The following SDK1 variants were observed in gnomAD, a reference collection of about 807,000 sequenced individuals.
The protein encoded by SDK1 is sidekick cell adhesion molecule 1, also known as protein sidekick-1.
Under a neutral mutation model 245.5 loss-of-function variants are expected in SDK1, and 157 were observed. The ratio of observed to expected loss-of-function variants is 0.64; its 90% confidence interval spans 0.56 to 0.73. The LOEUF (loss-of-function observed/expected upper bound fraction) is 0.73. SDK1 is among the 30% of genes least tolerant of loss of function. The pLI is 0.00. For missense variants in SDK1, 3,583 were observed against 3,002.3 expected (o/e 1.19, Z -4.52); for synonymous variants, 1,647 against 1,278.5 (o/e 1.29, Z -6.15).
chr7:3,972,027 G>A (rs2128133256), intron 12 of SDK1, among the ~76,000 whole-genome samples: 1 of 151,882 alleles, frequency 6.6e-6, no homozygotes, highest in African/African-American at 2.4e-5. Context: ...ACAGCCCCCA[G>A]TGCACTAATA....
At chr7:4,114,465 C>A (rs1783566929) in intron 25 of SDK1, among the ~76,000 whole-genome samples, 191 bp downstream of exon 25, 1 of 152,130 alleles carries the variant, frequency 6.6e-6, no homozygotes, top group Admixed American at 6.5e-5. Context: ...GGGCCCCAAG[C>A]CATTCATTGG....
intron 40 of SDK1, among the ~76,000 whole-genome samples, chr7:4,232,105 G>A (rs561080885): frequency 1.5e-4 from 21 of 138,104 alleles, no homozygotes; most frequent in African/African-American, 4.9e-4. Context: ...ACAAACACAC[G>A]TACAGCACTT....
intron 28 of SDK1, among the ~76,000 whole-genome samples, chr7:4,137,007 G>A (rs1779139616): frequency 6.6e-6 from 1 of 152,250 alleles, no homozygotes. Context: ...CAGCTGCAGA[G>A]AGATCGGCAG....
At chr7:4,034,037 C>G (rs1788035608) in intron 17 of SDK1, among the ~76,000 whole-genome samples, 1 of 152,162 alleles carries the variant, frequency 6.6e-6, no homozygotes, top group Non-Finnish European at 1.5e-5. Flanking sequence ...TAATGGGGCA[C>G]CTCAGAACTG....
intron 14 of SDK1, among the ~76,000 whole-genome samples, chr7:3,993,908 C>T (rs747398357): frequency 2.6e-5 from 4 of 152,326 alleles, no homozygotes; most frequent in Middle Eastern, 6.8e-3. Flanking sequence ...AGTCCACATC[C>T]CCTCAGCTTC....
intron 5 of SDK1, among the ~76,000 whole-genome samples, chr7:3,925,357 GA>G (rs1165282284): frequency 6.6e-6 from 1 of 152,202 alleles, no homozygotes; most frequent in Non-Finnish European, 1.5e-5. Context: ...AGTTTGCTTA[GA>G]AAAAGCACAT....
chr7:3,440,620 G>C (rs950405071), intron 1 of SDK1, among the ~76,000 whole-genome samples: 1 of 152,246 alleles, frequency 6.6e-6, no homozygotes, highest in African/African-American at 2.4e-5. Context: ...TTGGCAATTA[G>C]GATGTGCCAG....
At chr7:3,451,853 A>C (rs1454059812) in intron 1 of SDK1, among the ~76,000 whole-genome samples, 1 of 152,310 alleles carries the variant, frequency 6.6e-6, no homozygotes, top group African/African-American at 2.4e-5. Context: ...TAAGTGAAAG[A>C]CTTAGAGAAG....
chr7:3,857,955 T>C (rs986542369), intron 5 of SDK1, among the ~76,000 whole-genome samples: 3 of 152,060 alleles, frequency 2.0e-5, no homozygotes, highest in Non-Finnish European at 4.4e-5. Context: ...GAACAAATAG[T>C]GTGATATACC....
intron 5 of SDK1, among the ~76,000 whole-genome samples, chr7:3,880,507 C>A (rs1781181284): frequency 6.7e-6 from 1 of 148,900 alleles, no homozygotes; most frequent in Non-Finnish European, 1.5e-5. Flanking sequence ...CAGCGATGCG[C>A]AGATGCGTGG....
intron 14 of SDK1, among the ~76,000 whole-genome samples, chr7:4,004,769 ATAG>A (rs1367887981): frequency 2.0e-5 from 3 of 152,342 alleles, no homozygotes; most frequent in South Asian, 2.1e-4. Context: ...AACAAAATTA[ATAG>A]TAGTCATTAA....
At chr7:3,907,109 TTC>T (rs748998695) in intron 5 of SDK1, among the ~76,000 whole-genome samples, 22 of 138,264 alleles carry the variant, frequency 1.6e-4, no homozygotes, top group East Asian at 3.9e-4. Context: ...TTTAAATATA[TTC>T]TCTCTTTTTT....
chr7:4,073,739 G>A (rs1229950141), intron 20 of SDK1, among the ~76,000 whole-genome samples: 1 of 152,178 alleles, frequency 6.6e-6, no homozygotes. Flanking sequence ...TGGAGGAGGA[G>A]GCGCTTTGAG....
At chr7:3,955,879 G>C (rs1199273409) in intron 7 of SDK1, among the ~76,000 whole-genome samples, 1 of 152,156 alleles carries the variant, frequency 6.6e-6, no homozygotes, top group African/African-American at 2.4e-5. Flanking sequence ...TTTGGGGGCA[G>C]TCTGGGAGGT....
intron 1 of SDK1, among the ~76,000 whole-genome samples, chr7:3,369,653 A>G (rs183566823): frequency 5.3e-5 from 8 of 152,210 alleles, no homozygotes; most frequent in African/African-American, 1.7e-4. Context: ...TGTTTCCTCA[A>G]GTTTTCATTT....
At chr7:3,806,884 A>C (rs1220410039) in intron 4 of SDK1, among the ~76,000 whole-genome samples, 1 of 152,062 alleles carries the variant, frequency 6.6e-6, no homozygotes, top group Non-Finnish European at 1.5e-5. Context: ...TCTGGGAACT[A>C]AGAGTGATAT....
intron 7 of SDK1, chr7:3,952,123 C>T (rs75959553): frequency 7.0e-6 from 4 of 574,032 alleles, no homozygotes; most frequent in Non-Finnish European, 1.2e-5. Flanking sequence ...TTGATGTTCT[C>T]AATCCTTCCA....
At chr7:3,773,444 T>C (rs573472946) in intron 4 of SDK1, among the ~76,000 whole-genome samples, 1 of 152,284 alleles carries the variant, frequency 6.6e-6, no homozygotes, top group South Asian at 2.1e-4. Flanking sequence ...GTTGTTTTCT[T>C]GGCTTTCTCC....
In SDK1 at chr7:3,999,075, C is replaced by G. The variant is rs117973513; in HGVS notation, c.2131+11753C>G. Among the ~76,000 whole-genome samples the G allele has an allele frequency of 3.8e-3, 578 of 152,270 alleles. 11 individuals carry two copies. The South Asian group carries it at 0.053, about 14-fold the overall frequency. On this transcript the variant is annotated intron_variant, in intron 14 of 44. Coordinates refer to ENST00000404826, the MANE Select transcript of SDK1 (RefSeq NM_152744.4). ...TCACCCAATTTTATGCAGATTTTCA[C>G]TTTAGAATATCCTTAAGCTCTCTTT...
Sources: gnomAD v4.1 joint callset for allele counts (sites outside exome capture counted in the v4.1 genomes callset) on GRCh38, gnomAD v4.1.1 for gene constraint, MANE v1.5 for transcripts, NCBI Gene and HGNC (gene_info 2026-07-23, HGNC 2026-07-21) for gene names.